The following PCLO variants were observed in gnomAD, a reference collection of about 807,000 sequenced individuals.
PCLO encodes protein piccolo.
Under a neutral mutation model 427.5 loss-of-function variants are expected in PCLO, and 82 were observed. The ratio of observed to expected loss-of-function variants is 0.19; its 90% CI spans 0.16 to 0.23. The LOEUF is 0.23. Ranked by LOEUF, PCLO falls within the 10% of genes least tolerant of loss-of-function variation. PCLO has a pLI of 1.00. For missense variants in PCLO, 6,239 were observed against 6,115.9 expected (o/e 1.02, Z -0.67); for synonymous variants, 2,357 against 2,155.4 (o/e 1.09, Z -2.59).
intron 16 of PCLO, among the ~76,000 whole-genome samples, chr7:82,830,954 G>A (rs1792078959): frequency 6.6e-6 from 1 of 151,798 alleles, no homozygotes; most frequent in Non-Finnish European, 1.5e-5. Context: ...TCTGTATCAG[G>A]AATTGTAGAT....
intron 3 of PCLO, among the ~76,000 whole-genome samples, chr7:83,027,249 C>T (rs936060705): frequency 5.5e-4 from 80 of 145,092 alleles, no homozygotes; most frequent in Middle Eastern, 3.8e-3. Context: ...ATCAAATAGA[C>T]GCAATAAAAA....
intron 9 of PCLO, among the ~76,000 whole-genome samples, chr7:82,899,820 T>A (rs780343513): frequency 2.5e-4 from 38 of 151,506 alleles, no homozygotes; most frequent in Non-Finnish European, 4.3e-4. Flanking sequence ...GAAAGATAAA[T>A]AATAAGGTTG....
At chr7:83,025,086 G>A (rs1220896178) in intron 3 of PCLO, among the ~76,000 whole-genome samples, 1 of 152,130 alleles carries the variant, frequency 6.6e-6, no homozygotes, top group Non-Finnish European at 1.5e-5. Flanking sequence ...CACCAGCAAC[G>A]GAACAAAGCT....
intron 13 of PCLO, among the ~76,000 whole-genome samples, chr7:82,842,331 C>T (rs559201689): frequency 4.6e-5 from 7 of 152,154 alleles, no homozygotes; most frequent in African/African-American, 1.7e-4. Context: ...GAAAATTGGA[C>T]ATCCACATGC....
At chr7:83,096,953 AATAATATAAT>A (rs1242962022) in intron 3 of PCLO, among the ~76,000 whole-genome samples, 13 of 34,836 alleles carry the variant, frequency 3.7e-4, no homozygotes, top group African/African-American at 2.4e-3. Flanking sequence ...ATATTATATA[AATAATATAAT>A]ATAATATATT....
Position 82,803,501 on chromosome 7 carries a change from A to C in PCLO, c.14934-1910T>G, listed in dbSNP as rs1211951118. Reference sequence around the variant, plus strand: ...GCTTTCAATTGAAACTGATTTTAACATAGGTACTTAGCCAATATGTGTAGT... The same window carrying C: ...GCTTTCAATTGAAACTGATTTTAACCTAGGTACTTAGCCAATATGTGTAGT... On this transcript the variant is annotated intron_variant, in intron 21 of 24. Coordinates refer to ENST00000333891, the MANE Select transcript of PCLO (RefSeq NM_033026.6). Among the ~76,000 whole-genome samples, 4 of 152,250 alleles carry C rather than the reference A, an allele frequency of 2.6e-5. 1 individual carries two copies. The East Asian group carries it at 7.7e-4, about 29-fold the overall frequency.
intron 22 of PCLO, among the ~76,000 whole-genome samples, chr7:82,766,844 C>A (rs1026329411): frequency 1.3e-5 from 2 of 152,082 alleles, no homozygotes; most frequent in African/African-American, 4.8e-5. Flanking sequence ...ACTTCACAGG[C>A]TTCACAGTGT....
At chr7:82,788,799 G>C (rs192832082) in intron 22 of PCLO, among the ~76,000 whole-genome samples, 1 of 151,604 alleles carries the variant, frequency 6.6e-6, no homozygotes, top group East Asian at 1.9e-4. Context: ...ACATAAAATT[G>C]TGTATTTCCA....
intron 3 of PCLO, among the ~76,000 whole-genome samples, chr7:82,975,586 A>G (rs1028914483): frequency 6.6e-6 from 1 of 152,158 alleles, no homozygotes; most frequent in South Asian, 2.1e-4. Flanking sequence ...GGGAAGAATC[A>G]GTATATCGAT....
intron 3 of PCLO, among the ~76,000 whole-genome samples, chr7:83,021,137 G>A (rs1027024964): frequency 1.3e-5 from 2 of 152,094 alleles, no homozygotes; most frequent in African/African-American, 4.8e-5. Context: ...ACCAAACAGT[G>A]ACCTCAATTT....
At chr7:83,078,459 G>A (rs1487689775) in intron 3 of PCLO, among the ~76,000 whole-genome samples, 1 of 151,914 alleles carries the variant, frequency 6.6e-6, no homozygotes, top group Non-Finnish European at 1.5e-5. Context: ...CACAGTTTGT[G>A]TAAAATGACC....
intron 3 of PCLO, among the ~76,000 whole-genome samples, chr7:82,989,587 A>G (rs1317434028): frequency 6.6e-6 from 1 of 152,160 alleles, no homozygotes; most frequent in African/African-American, 2.4e-5. Context: ...TTTCACATGT[A>G]ATTTTAAATA....
intron 22 of PCLO, among the ~76,000 whole-genome samples, chr7:82,782,712 A>T (rs2129468162): frequency 6.6e-6 from 1 of 152,382 alleles, no homozygotes; most frequent in East Asian, 1.9e-4. Context: ...TCAGAAATTT[A>T]CTACGGTTCA....
intron 3 of PCLO, among the ~76,000 whole-genome samples, chr7:82,997,628 T>C (rs1787661521): frequency 1.3e-5 from 2 of 151,844 alleles, no homozygotes; most frequent in African/African-American, 2.4e-5. Context: ...CAAAGACAAG[T>C]TTATAAAGAT....
Position 82,949,732 on chromosome 7 carries a change from G to T in PCLO, c.10856C>A (p.Ser3619Tyr). ...GATGGGTGAGTAAAGGACTTTGGGG[G>T]ATTTGGGTGGGGAAGGAGCCAGCTG... Reference protein sequence around the residue: ...TVQLAPSPPKSPKVLYSPISP... With the variant: ...TVQLAPSPPKYPKVLYSPISP... Residue 3619 changes from serine to tyrosine, a missense_variant, in exon 6 of 25, where the codon TCC becomes TAC. By Grantham distance (144) the Ser-to-Tyr change is moderately radical. Transcript: ENST00000333891. 1 of 1,613,834 alleles carries T rather than the reference G, an allele frequency of 6.2e-7. No homozygotes were observed. Among genetic ancestry groups the T allele is most frequent in the Non-Finnish European group, 8.5e-7 (1 of 1,179,828 alleles).
At chr7:83,063,786 T>A (rs1362355947) in intron 3 of PCLO, among the ~76,000 whole-genome samples, 3 of 152,112 alleles carry the variant, frequency 2.0e-5, no homozygotes, top group Non-Finnish European at 4.4e-5. Context: ...ATTTGATTTA[T>A]CTTTTAGGCT....
chr7:82,773,718 G>A, intron 22 of PCLO, among the ~76,000 whole-genome samples: 1 of 150,142 alleles, frequency 6.7e-6, no homozygotes, highest in East Asian at 1.9e-4. Flanking sequence ...ATCCACTTGT[G>A]CTATTCTTTT....
rs1304242944 is a variant in PCLO at position 83,122,039 on chromosome 7, CAGAA to C, written c.3300+12207_3300+12210del. Among the ~76,000 whole-genome samples, 5 of 152,112 alleles carry C rather than the reference CAGAA, an allele frequency of 3.3e-5. No individual in the cohort carries two copies. The East Asian group carries it at 7.7e-4, about 24-fold the overall frequency. On this transcript the variant is annotated intron_variant, in intron 3 of 24. Transcript: ENST00000333891. ...CAATTAATGTGATACATCATATCAA[CAGAA>C]AGAAAGACAAAACCATATGATCCTT...
At chr7:82,821,580 T>G in intron 20 of PCLO, 3 of 973,414 alleles carry the variant, frequency 3.1e-6, no homozygotes, top group Non-Finnish European at 3.7e-6. Flanking sequence ...TTTGCACATA[T>G]TAAGTTTTTA....
Sources: gnomAD v4.1 joint callset for allele counts (sites outside exome capture counted in the v4.1 genomes callset) on GRCh38, gnomAD v4.1.1 for gene constraint, MANE v1.5 for transcripts, NCBI Gene and HGNC (gene_info 2026-07-23, HGNC 2026-07-21) for gene names.